RBM39: variants seen among roughly 807,000 people sequenced by gnomAD.
RBM39 encodes RNA-binding protein 39.
RBM39 carries 12 observed loss-of-function variants against 79.6 expected under a neutral mutation model. That is an observed-to-expected ratio of 0.15 (90% CI 0.10 to 0.24). The LOEUF (loss-of-function observed/expected upper bound fraction) is 0.24, where lower values mean the gene tolerates loss of function less well. RBM39 is among the 10% of genes least tolerant of loss of function. The probability of loss-of-function intolerance (pLI) is 1.00; values close to 1 mark genes in which losing one functional copy is unlikely to be tolerated. For synonymous variants in RBM39, 185 were observed against 208.4 expected (o/e 0.89, Z 0.97); for missense variants, 243 against 653.4 (o/e 0.37, Z 6.85).
chr20:35,714,429 A>C (rs1370182931), intron 10 of RBM39, 40 bp from the exon 11 acceptor site: 2 of 1,557,272 alleles, frequency 1.3e-6, no homozygotes, highest in African/African-American at 1.4e-5. Context: ...ACAGTGCTTT[A>C]ATTTTTAAAA....
chr20:35,707,027 TAA>T (rs58614202), intron 14 of RBM39, 91 bp downstream of exon 14: 4,375 of 150,992 alleles, frequency 0.029, 11 homozygotes, highest in East Asian at 0.078. Context: ...AACTCCATCT[TAA>T]AAAAAAAAAA....
chr20:35,705,736 T>C (rs1265087721), intron 14 of RBM39, among the ~76,000 whole-genome samples: 1 of 151,234 alleles, frequency 6.6e-6, no homozygotes, highest in Non-Finnish European at 1.5e-5. Context: ...AGGCTGAGGT[T>C]GCAGTGAGCC....
At chr20:35,722,336 G>C (rs969239214) in intron 8 of RBM39, among the ~76,000 whole-genome samples, 1 of 151,138 alleles carries the variant, frequency 6.6e-6, no homozygotes, top group Non-Finnish European at 1.5e-5. Flanking sequence ...GAACCCAGGA[G>C]GCAGAGCTTG....
intron 13 of RBM39, 165 bp from the exon 14 acceptor site, chr20:35,707,366 T>A: frequency 2.4e-6 from 1 of 417,894 alleles, no homozygotes. Context: ...TATCAGTAGC[T>A]TTTAGGTGCC....
intron 12 of RBM39, among the ~76,000 whole-genome samples, chr20:35,712,435 C>CAAAAA (rs765974114): frequency 6.1e-5 from 2 of 32,818 alleles, no homozygotes; most frequent in African/African-American, 2.1e-4. Flanking sequence ...TACTGTTATC[C>CAAAAA]AAAAAAAAAA....
chr20:35,708,248 GTAT>G (rs1023766288), intron 13 of RBM39, among the ~76,000 whole-genome samples: 10 of 151,994 alleles, frequency 6.6e-5, no homozygotes, highest in African/African-American at 2.4e-4. Flanking sequence ...ATTCGAGAGT[GTAT>G]TATAACTGTG....
chr20:35,728,915 T>C (rs948857800), intron 6 of RBM39, among the ~76,000 whole-genome samples: 2 of 150,840 alleles, frequency 1.3e-5, no homozygotes, highest in African/African-American at 4.9e-5. Context: ...CCATCGCTAC[T>C]AAAATAAAAA....
intron 12 of RBM39, among the ~76,000 whole-genome samples, chr20:35,712,459 A>AAAG (rs1555890288): frequency 1.8e-4 from 4 of 22,788 alleles, no homozygotes; most frequent in African/African-American, 4.2e-4. Flanking sequence ...AAAAAAAAAA[A>AAAG]GGGGGCGGGG....
At chr20:35,711,235 A>T (rs189278922) in intron 12 of RBM39, among the ~76,000 whole-genome samples, 117 of 152,310 alleles carry the variant, frequency 7.7e-4, no homozygotes, top group African/African-American at 2.6e-3. Flanking sequence ...CATGAACTAA[A>T]AATTTTCTTA....
intron 2 of RBM39, chr20:35,740,609 G>T: frequency 6.9e-7 from 1 of 1,456,526 alleles, no homozygotes. Flanking sequence ...TACAAAGAGA[G>T]ATAGATGGGC....
At chr20:35,708,253 A>C (rs1178327973) in intron 13 of RBM39, among the ~76,000 whole-genome samples, 1 of 152,088 alleles carries the variant, frequency 6.6e-6, no homozygotes, top group Non-Finnish European at 1.5e-5. Flanking sequence ...AGAGTGTATT[A>C]TAACTGTGCA....
chr20:35,729,656 C>T, intron 4 of RBM39, 129 bp from the exon 5 acceptor site: 2 of 780,470 alleles, frequency 2.6e-6, no homozygotes, highest in Non-Finnish European at 4.1e-6. Context: ...GAAGAGGAAA[C>T]AAAAATACTT....
intron 6 of RBM39, among the ~76,000 whole-genome samples, chr20:35,725,669 T>A (rs2038572171): frequency 7.1e-6 from 1 of 141,184 alleles, no homozygotes; most frequent in Admixed American, 6.9e-5. Context: ...TTTTTTTTTT[T>A]TTTTTTTTCC....
At chr20:35,739,209 G>A in intron 2 of RBM39, 192 bp from the exon 3 acceptor site, 1 of 624,382 alleles carries the variant, frequency 1.6e-6, no homozygotes, top group South Asian at 1.9e-5. Context: ...TTACATTTAA[G>A]TCATCAAGAT....
intron 3 of RBM39, among the ~76,000 whole-genome samples, chr20:35,733,470 G>A (rs947032043): frequency 3.3e-5 from 5 of 151,966 alleles, no homozygotes; most frequent in Admixed American, 6.6e-5. Context: ...GTAGTGGGTC[G>A]TGGTGGCACA....
intron 2 of RBM39, chr20:35,739,634 C>T (rs1303581234): frequency 2.3e-6 from 1 of 434,014 alleles, no homozygotes; most frequent in African/African-American, 2.0e-5. Flanking sequence ...CAAGTCCAGC[C>T]TAAACATTTC....
intron 12 of RBM39, 71 bp from the exon 13 acceptor site, chr20:35,709,345 G>C: frequency 1.5e-6 from 2 of 1,313,968 alleles, no homozygotes; most frequent in Non-Finnish European, 1.1e-6. Flanking sequence ...ATTAATAAAA[G>C]AGGACTACAA....
intron 2 of RBM39, 131 bp downstream of exon 2, chr20:35,740,693 T>G: frequency 7.8e-7 from 1 of 1,288,874 alleles, no homozygotes; most frequent in Non-Finnish European, 1.1e-6. Context: ...CTTTTGTAAG[T>G]TACACGTAAT....
chr20:35,709,444 TCCC>T, intron 12 of RBM39, 170 bp from the exon 13 acceptor site: 1 of 561,962 alleles, frequency 1.8e-6, no homozygotes, highest in Non-Finnish European at 3.1e-6. Flanking sequence ...GGGCCTTTTT[TCCC>T]CCTCTTATCC....
Sources: allele counts gnomAD v4.1 joint callset (sites outside exome capture counted in the v4.1 genomes callset), GRCh38; gene constraint gnomAD v4.1.1; transcripts MANE v1.5; gene names NCBI Gene and HGNC (gene_info 2026-07-23, HGNC 2026-07-21).